Variants in SETDB2 observed in about 807,000 individuals in gnomAD.
SETDB2 encodes histone-lysine N-methyltransferase SETDB2.
A neutral mutation model predicts 82.5 loss-of-function variants in SETDB2; 56 were observed. The ratio of observed to expected loss-of-function variants is 0.68; its 90% CI spans 0.55 to 0.85. The LOEUF (loss-of-function observed/expected upper bound fraction) is 0.85. Among genes scored for constraint, SETDB2 ranks in the 40% least tolerant of loss-of-function variants. SETDB2 has a pLI of 0.00. For synonymous variants in SETDB2, 272 were observed against 284.9 expected (o/e 0.95, Z 0.46); for missense variants, 677 against 816.4 (o/e 0.83, Z 2.08).
chr13:49,487,508 T>C (rs908527746), intron 11 of SETDB2, among the ~76,000 whole-genome samples: 15 of 152,080 alleles, frequency 9.9e-5, no homozygotes, highest in Non-Finnish European at 1.9e-4. Flanking sequence ...CTAATTTCTT[T>C]TTTTTAAAAT....
intron 8 of SETDB2, chr13:49,482,165 G>A (rs533175385): frequency 4.1e-6 from 4 of 985,448 alleles, no homozygotes; most frequent in African/African-American, 3.5e-5. Flanking sequence ...GCTGGAAAAT[G>A]TAACTAAGAT....
At chr13:49,458,202 G>C (rs1223680331) in intron 2 of SETDB2, among the ~76,000 whole-genome samples, 1 of 152,158 alleles carries the variant, frequency 6.6e-6, no homozygotes, top group Non-Finnish European at 1.5e-5. Flanking sequence ...TCTCGCCTCA[G>C]CCTCCTGAGT....
rs1958720892 is a variant in SETDB2 at position 49,491,919 on chromosome 13, TAGGTCCATCA to T, written c.*74_*83del. 3 of 1,070,062 alleles carry T rather than the reference TAGGTCCATCA, an allele frequency of 2.8e-6. No homozygotes were observed. Among genetic ancestry groups the T allele is most frequent in the Non-Finnish European group, 4.4e-6 (3 of 689,146 alleles). The allele number at this position is 1,070,062 out of a possible 1,614,324, so 66.3% of individuals were successfully genotyped here. ...AATTAAAGCCATGCAAAAGAAGGTC[TAGGTCCATCA>T]AGGAAATTCCCCTCCGTTTTCCTTT... On this transcript the variant is annotated 3_prime_UTR_variant, in exon 14 of 14. Coordinates refer to ENST00000611815, the MANE Select transcript of SETDB2 (RefSeq NM_001160308.3).
At chr13:49,484,546 A>G (rs1308690856) in intron 10 of SETDB2, among the ~76,000 whole-genome samples, 1 of 152,214 alleles carries the variant, frequency 6.6e-6, no homozygotes, top group Admixed American at 6.5e-5. Flanking sequence ...CTGGGATTAG[A>G]GGCGTGAGCC....
At chr13:49,446,097 G>C (rs2051573207) in intron 1 of SETDB2, 1 of 282,370 alleles carries the variant, frequency 3.5e-6, no homozygotes, top group Non-Finnish European at 6.9e-6. Context: ...TGCTTAGGTG[G>C]AAGTATAAAT....
chr13:49,469,577 A>G (rs1268010367), intron 5 of SETDB2, among the ~76,000 whole-genome samples: 1 of 152,198 alleles, frequency 6.6e-6, no homozygotes, highest in Non-Finnish European at 1.5e-5. Context: ...GACCAGTGTT[A>G]AGCTAACCTT....
intron 11 of SETDB2, among the ~76,000 whole-genome samples, chr13:49,486,097 G>A (rs867901502): frequency 6.6e-6 from 1 of 152,078 alleles, no homozygotes; most frequent in East Asian, 1.9e-4. Context: ...AAGGCAGGAG[G>A]GCTGCTTGAG....
chr13:49,445,260 CTAACCCGTGGTTCTTAAGCGTGACT>C (rs1253862490), intron 1 of SETDB2, among the ~76,000 whole-genome samples: 24 of 152,292 alleles, frequency 1.6e-4, no homozygotes, highest in Admixed American at 1.2e-3. Context: ...AGAAGCGTGA[CTAACCCGTGGTTCTTAAGCGTGACT>C]TAACCCGTGG....
intron 1 of SETDB2, among the ~76,000 whole-genome samples, chr13:49,448,958 G>A (rs563695573): frequency 6.6e-6 from 1 of 152,236 alleles, no homozygotes; most frequent in South Asian, 2.1e-4. Context: ...TGTTCTGTCA[G>A]CATAAAATAT....
intron 12 of SETDB2, 199 bp downstream of exon 12, chr13:49,488,829 AACTG>A (rs1158447505): frequency 2.0e-6 from 1 of 495,310 alleles, no homozygotes; most frequent in African/African-American, 1.9e-5. Flanking sequence ...GATAAATGAT[AACTG>A]TCTCAGGATG....
intron 5 of SETDB2, among the ~76,000 whole-genome samples, chr13:49,475,798 TTTA>T (rs1230142250): frequency 6.6e-6 from 1 of 152,086 alleles, no homozygotes; most frequent in African/African-American, 2.4e-5. Flanking sequence ...GACTTTTTTT[TTTA>T]TTTTATTAAT....
intron 4 of SETDB2, among the ~76,000 whole-genome samples, chr13:49,465,017 G>C (rs889258859): frequency 6.6e-6 from 1 of 151,488 alleles, no homozygotes; most frequent in Non-Finnish European, 1.5e-5. Flanking sequence ...AGTGAGCTGG[G>C]ATCACACTAC....
intron 8 of SETDB2, 131 bp downstream of exon 8, chr13:49,481,247 G>C: frequency 1.3e-6 from 1 of 743,446 alleles, no homozygotes; most frequent in Non-Finnish European, 2.1e-6. Flanking sequence ...GAACATCAGA[G>C]AAAGGCAGGT....
At chr13:49,445,972 G>T (rs79131645) in intron 1 of SETDB2, 2,438 of 172,366 alleles carry the variant, frequency 0.014, 60 homozygotes, top group African/African-American at 0.053. Flanking sequence ...GTGCGCGGTG[G>T]GTGGCTCACA....
intron 4 of SETDB2, among the ~76,000 whole-genome samples, chr13:49,467,618 A>G (rs573864989): frequency 6.6e-6 from 1 of 152,350 alleles, no homozygotes; most frequent in South Asian, 2.1e-4. Context: ...CTTCAAATCA[A>G]GTTCAGGCCA....
At chr13:49,463,933 G>T in intron 4 of SETDB2, 1 of 703,552 alleles carries the variant, frequency 1.4e-6, no homozygotes, top group East Asian at 2.7e-5. Context: ...TGTGCCTATT[G>T]CTGCCTCTGG....
At position 49,491,729 on chromosome 13, in the gene SETDB2, T is replaced by C; in HGVS notation, c.2007-3T>C. ...TGATTCTTTTCAAATTTCTACTTTC[T>C]AGGTATGTGAAAGCAAGAACAGAGC... On this transcript the variant is annotated splice_polypyrimidine_tract_variant and splice_region_variant and intron_variant, in intron 13 of 13. Coordinates refer to ENST00000611815, the MANE Select transcript of SETDB2 (RefSeq NM_001160308.3). 1 of 1,600,718 alleles carries C rather than the reference T, an allele frequency of 6.2e-7. No individual in the cohort carries two copies. Among genetic ancestry groups the C allele is most frequent in the Non-Finnish European group, 8.5e-7 (1 of 1,170,970 alleles).
chr13:49,457,832 A>G (rs1566157507), intron 2 of SETDB2, among the ~76,000 whole-genome samples: 1 of 152,280 alleles, frequency 6.6e-6, no homozygotes, highest in East Asian at 1.9e-4. Context: ...ATTTTATGTG[A>G]TTCCAGAATA....
At chr13:49,469,428 C>T (rs1463121536) in intron 5 of SETDB2, among the ~76,000 whole-genome samples, 3 of 152,192 alleles carry the variant, frequency 2.0e-5, no homozygotes, top group East Asian at 1.9e-4. Flanking sequence ...TTATTGAAAA[C>T]GTTGTCAAAA....
Sources: gnomAD v4.1 joint callset for allele counts (sites outside exome capture counted in the v4.1 genomes callset) on GRCh38, gnomAD v4.1.1 for gene constraint, MANE v1.5 for transcripts, NCBI Gene and HGNC (gene_info 2026-07-23, HGNC 2026-07-21) for gene names.